The following FRMPD1 variants were observed in gnomAD, a reference collection of about 807,000 sequenced individuals.
FRMPD1 encodes FERM and PDZ domain containing 1.
A neutral mutation model predicts 117.8 loss-of-function variants in FRMPD1; 76 were observed. That is an observed-to-expected ratio of 0.65 (90% CI 0.54 to 0.78). The LOEUF is 0.78. FRMPD1 is among the 30% of genes least tolerant of loss of function. FRMPD1 has a pLI of 0.00. For missense variants in FRMPD1, 1,786 were observed against 1,964.5 expected, an observed-to-expected ratio of 0.91 and a Z score of 1.72; for synonymous variants, 783 against 770.4, an observed-to-expected ratio of 1.02 and a Z score of -0.27.
intron 15 of FRMPD1, among the ~76,000 whole-genome samples, chr9:37,742,053 A>G (rs770783260): frequency 1.6e-4 from 24 of 152,218 alleles, no homozygotes; most frequent in Admixed American, 1.6e-3. Context: ...GTTTCTCTCC[A>G]TCACTAGACC....
chr9:37,722,306 CAA>C (rs541735450), intron 6 of FRMPD1, among the ~76,000 whole-genome samples: 9 of 122,036 alleles, frequency 7.4e-5, no homozygotes, highest in Non-Finnish European at 7.0e-5. Flanking sequence ...GAGACTCTGT[CAA>C]AAAAAAAAAA....
intron 1 of FRMPD1, among the ~76,000 whole-genome samples, chr9:37,673,748 C>T (rs762955172): frequency 7.9e-5 from 12 of 152,258 alleles, no homozygotes; most frequent in East Asian, 5.8e-4. Flanking sequence ...CTCAACACCA[C>T]GTGGAAGCTG....
At chr9:37,710,361 G>C (rs1280769772) in intron 4 of FRMPD1, among the ~76,000 whole-genome samples, 1 of 152,124 alleles carries the variant, frequency 6.6e-6, no homozygotes, top group African/African-American at 2.4e-5. Context: ...TGGTAGCAGT[G>C]GCAAAGAGAA....
At chr9:37,630,540 C>G in the FRMPD1 span, among the ~76,000 whole-genome samples, 1 of 152,066 alleles carries the variant, frequency 6.6e-6, no homozygotes, top group African/African-American at 2.4e-5. Context: ...GCCACCAGTC[C>G]TGGCTGTTTT....
chr9:37,665,722 A>T (rs1821139667), intron 1 of FRMPD1, among the ~76,000 whole-genome samples: 1 of 152,168 alleles, frequency 6.6e-6, no homozygotes, highest in African/African-American at 2.4e-5. Flanking sequence ...TCTCATGCTT[A>T]AAAGTGGGGT....
intron 1 of FRMPD1, among the ~76,000 whole-genome samples, chr9:37,671,542 T>C (rs1821351740): frequency 6.6e-6 from 1 of 152,158 alleles, no homozygotes; most frequent in Non-Finnish European, 1.5e-5. Context: ...ACTTATATTC[T>C]AGCAGGGGAT....
At chr9:37,733,855 T>C in intron 12 of FRMPD1, 30 bp downstream of exon 12, 1 of 1,191,074 alleles carries the variant, frequency 8.4e-7, no homozygotes, top group Non-Finnish European at 1.3e-6. Context: ...GAAATCCTAC[T>C]CACGTAAGGG....
At chr9:37,713,938 G>A (rs1823007999) in intron 5 of FRMPD1, among the ~76,000 whole-genome samples, 1 of 152,180 alleles carries the variant, frequency 6.6e-6, no homozygotes, top group Admixed American at 6.5e-5. Flanking sequence ...TAAACCTTCT[G>A]TGGTCCAAAC....
chr9:37,708,527 C>A, intron 4 of FRMPD1, 26 bp downstream of exon 4: 2 of 1,232,572 alleles, frequency 1.6e-6, no homozygotes, highest in Non-Finnish European at 2.4e-6. Context: ...CCATCATCTA[C>A]AGAATTGCAC....
intron 1 of FRMPD1, among the ~76,000 whole-genome samples, chr9:37,658,600 T>C (rs1390955242): frequency 6.6e-6 from 1 of 152,138 alleles, no homozygotes; most frequent in Non-Finnish European, 1.5e-5. Context: ...CTTTGTCACT[T>C]CCAGCTTCTG....
intron 15 of FRMPD1, 92 bp from the exon 16 acceptor site, chr9:37,744,297 T>A (rs1824569897): frequency 2.2e-6 from 2 of 910,592 alleles, no homozygotes; most frequent in Non-Finnish European, 3.4e-6. Flanking sequence ...TAGCCAGAAT[T>A]TAAACCCAGG....
At chr9:37,695,845 C>G (rs145732581) in intron 2 of FRMPD1, among the ~76,000 whole-genome samples, 10 of 152,268 alleles carry the variant, frequency 6.6e-5, no homozygotes, top group South Asian at 2.1e-4. Context: ...AGCAGATTCT[C>G]TACTCTGCAG....
chr9:37,627,044 G>C, the FRMPD1 span, among the ~76,000 whole-genome samples: 15 of 151,668 alleles, frequency 9.9e-5, no homozygotes, highest in Admixed American at 4.6e-4. Context: ...CTCCACCTTC[G>C]AGGCGATCTT....
At chr9:37,708,979 A>G (rs1184963840) in intron 4 of FRMPD1, among the ~76,000 whole-genome samples, 3 of 152,122 alleles carry the variant, frequency 2.0e-5, no homozygotes, top group Non-Finnish European at 4.4e-5. Flanking sequence ...AGCACCTCCA[A>G]ACCTTCTGTC....
chr9:37,607,852 C>T, the FRMPD1 span, among the ~76,000 whole-genome samples: 1 of 150,124 alleles, frequency 6.7e-6, no homozygotes, highest in South Asian at 2.1e-4. Context: ...ACCATACCAG[C>T]TCTTGTTTCT....
At chr9:37,723,769 G>C (rs1208509424) in intron 6 of FRMPD1, among the ~76,000 whole-genome samples, 1 of 152,022 alleles carries the variant, frequency 6.6e-6, no homozygotes, top group Non-Finnish European at 1.5e-5. Flanking sequence ...GAGGCGGGTG[G>C]ATCACCTGAG....
At chr9:37,743,337 G>T (rs1238857577) in intron 15 of FRMPD1, among the ~76,000 whole-genome samples, 1 of 152,036 alleles carries the variant, frequency 6.6e-6, no homozygotes, top group Non-Finnish European at 1.5e-5. Context: ...GGCACCATTG[G>T]CACTAAAAGA....
the FRMPD1 span, chr9:37,636,886 G>A: frequency 6.2e-7 from 1 of 1,610,930 alleles, no homozygotes; most frequent in Admixed American, 1.7e-5. Flanking sequence ...CAAACTCCTT[G>A]GCTGTGGTGT....
the FRMPD1 span, among the ~76,000 whole-genome samples, chr9:37,634,635 C>T: frequency 1.3e-5 from 2 of 152,056 alleles, no homozygotes; most frequent in African/African-American, 4.8e-5. Context: ...CTATTTTGCA[C>T]TTCTGTTTTC....
Sources: gnomAD v4.1 joint callset for allele counts (sites outside exome capture counted in the v4.1 genomes callset) on GRCh38, gnomAD v4.1.1 for gene constraint, MANE v1.5 for transcripts, NCBI Gene and HGNC (gene_info 2026-07-23, HGNC 2026-07-21) for gene names.